Variants in KCNT2 observed in about 807,000 individuals in gnomAD.
The protein encoded by KCNT2 is potassium channel subfamily T member 2.
A neutral mutation model predicts 153.8 loss-of-function variants in KCNT2; 67 were observed. The observed-to-expected ratio is 0.44, with a 90% CI of 0.36 to 0.53. The LOEUF is 0.53. KCNT2 is among the 20% of genes least tolerant of loss of function. The pLI, the probability that KCNT2 is intolerant of heterozygous loss-of-function variation, is 0.00. For missense variants in KCNT2, 975 were observed against 1,354.8 expected (o/e 0.72, Z 4.40); for synonymous variants, 500 against 458.8 (o/e 1.09, Z -1.15).
At chr1:196,475,847 A>G (rs1178488501) in intron 5 of KCNT2, among the ~76,000 whole-genome samples, 2 of 152,090 alleles carry the variant, frequency 1.3e-5, no homozygotes, top group African/African-American at 2.4e-5. Flanking sequence ...TATTTATCCT[A>G]TCTGTTTTCT....
intron 1 of KCNT2, among the ~76,000 whole-genome samples, chr1:196,542,192 A>T (rs1656472035): frequency 6.6e-6 from 1 of 152,276 alleles, no homozygotes; most frequent in African/African-American, 2.4e-5. Context: ...ATCCGCCGAA[A>T]GTCTAGTAAG....
At chr1:196,457,831 G>T (rs1346564515) in intron 8 of KCNT2, among the ~76,000 whole-genome samples, 4 of 151,876 alleles carry the variant, frequency 2.6e-5, no homozygotes, top group Non-Finnish European at 5.9e-5. Flanking sequence ...CTCAATTGCT[G>T]CTTGAGAGTA....
chr1:196,511,832 C>CTTTTAAT (rs1681659913), intron 1 of KCNT2, among the ~76,000 whole-genome samples: 1 of 152,104 alleles, frequency 6.6e-6, no homozygotes, highest in Non-Finnish European at 1.5e-5. Context: ...TTAACATAAT[C>CTTTTAAT]ACCTCTTTTA....
chr1:196,329,882 TG>T (rs1664274459), intron 18 of KCNT2, among the ~76,000 whole-genome samples: 1 of 130,790 alleles, frequency 7.6e-6, no homozygotes, highest in Admixed American at 7.7e-5. Flanking sequence ...CACTTATATG[TG>T]TGTGTGTGTG....
At chr1:196,587,448 A>G (rs1046989724) in intron 1 of KCNT2, among the ~76,000 whole-genome samples, 1 of 152,066 alleles carries the variant, frequency 6.6e-6, no homozygotes, top group Non-Finnish European at 1.5e-5. Flanking sequence ...GTGACATTAA[A>G]GAAGCATATG....
chr1:196,329,879 A>ATGTG (rs57881763), intron 18 of KCNT2, among the ~76,000 whole-genome samples: 2,732 of 124,688 alleles, frequency 0.022, 44 homozygotes, highest in South Asian at 0.046. Flanking sequence ...ATACACTTAT[A>ATGTG]TGTGTGTGTG....
intron 25 of KCNT2, among the ~76,000 whole-genome samples, chr1:196,269,181 A>G (rs1389468357): frequency 6.6e-6 from 1 of 152,222 alleles, no homozygotes; most frequent in Non-Finnish European, 1.5e-5. Context: ...CAGATCTGAA[A>G]GAATGATTCT....
intron 13 of KCNT2, among the ~76,000 whole-genome samples, chr1:196,378,266 T>C (rs933980479): frequency 1.3e-5 from 2 of 152,180 alleles, no homozygotes; most frequent in Non-Finnish European, 2.9e-5. Flanking sequence ...ACCATTATTT[T>C]ATTACAACTT....
chr1:196,266,224 C>T (rs1175742708), intron 25 of KCNT2, among the ~76,000 whole-genome samples: 2 of 152,108 alleles, frequency 1.3e-5, no homozygotes, highest in Non-Finnish European at 2.9e-5. Context: ...CTGAGACGCA[C>T]CCATTGGCAA....
intron 19 of KCNT2, among the ~76,000 whole-genome samples, chr1:196,321,794 G>A (rs1663343779): frequency 6.6e-6 from 1 of 151,790 alleles, no homozygotes; most frequent in Non-Finnish European, 1.5e-5. Context: ...AAAAAAGGTG[G>A]CTTAAAAGGA....
chr1:196,410,634 C>T (rs905442539), intron 12 of KCNT2, among the ~76,000 whole-genome samples: 7 of 150,676 alleles, frequency 4.6e-5, no homozygotes, highest in African/African-American at 1.7e-4. Flanking sequence ...CGAAAAATAT[C>T]ATTTTTATTA....
chr1:196,333,910 T>G lies in KCNT2; in HGVS notation c.1934A>C (p.Asp645Ala). The change falls in exon 17 of 28, where the codon GAT (aspartate) becomes GCT (alanine). Residue 645 changes from aspartate (D) to alanine (A), a missense_variant. Coordinates refer to ENST00000294725, the MANE Select transcript of KCNT2 (RefSeq NM_198503.5). ...VADTSSIQTC[D>A]LLSDQSEDET... Reference sequence around the variant, plus strand: ...ATCTTCTGATTGGTCACTTAGAAGATCACATGTTTGAATCGATGATGTATC... The same window carrying G: ...ATCTTCTGATTGGTCACTTAGAAGAGCACATGTTTGAATCGATGATGTATC... The G allele has an allele frequency of 1.4e-5, 22 of 1,613,030 alleles. No individual in the cohort carries two copies. Among genetic ancestry groups the G allele is most frequent in the Non-Finnish European group, 1.9e-5 (22 of 1,179,330 alleles).
chr1:196,401,349 GAAAC>G (rs1671400344), intron 12 of KCNT2, among the ~76,000 whole-genome samples: 1 of 151,690 alleles, frequency 6.6e-6, no homozygotes, highest in South Asian at 2.1e-4. Flanking sequence ...ATTTGCATGG[GAAAC>G]AAACAAAATG....
intron 8 of KCNT2, among the ~76,000 whole-genome samples, chr1:196,458,440 C>T (rs1211970047): frequency 6.6e-6 from 1 of 151,788 alleles, no homozygotes; most frequent in Admixed American, 6.6e-5. Flanking sequence ...CAAACCCATA[C>T]AAAATAATTT....
chr1:196,465,559 C>T (rs995788216), intron 7 of KCNT2, among the ~76,000 whole-genome samples, 172 bp from the exon 8 acceptor site: 1 of 151,790 alleles, frequency 6.6e-6, no homozygotes, highest in Non-Finnish European at 1.5e-5. Context: ...TTGCCTAGAT[C>T]TGATTGTAAC....
rs1213463952 is a variant in KCNT2, at chr1:196,590,099, C to A, written c.95+18116G>T. Among the ~76,000 whole-genome samples, 4 of 151,960 alleles carry A rather than the reference C, an allele frequency of 2.6e-5. No homozygotes were observed. The East Asian group carries it at 7.7e-4, about 29-fold the overall frequency. On this transcript the variant is annotated intron_variant, in intron 1 of 27. Coordinates refer to ENST00000294725, the MANE Select transcript of KCNT2 (RefSeq NM_198503.5). ...TGCACTTGTATCCCTTAAATTTATACAAATAAAAAAAATGCAAAGTAAACA... is the reference window on the plus strand; with the variant it reads ...TGCACTTGTATCCCTTAAATTTATAAAAATAAAAAAAATGCAAAGTAAACA...
At chr1:196,423,909 A>G (rs1340625674) in intron 11 of KCNT2, among the ~76,000 whole-genome samples, 2 of 151,934 alleles carry the variant, frequency 1.3e-5, no homozygotes, top group African/African-American at 2.4e-5. Context: ...TAACTAACCT[A>G]TGAAACTTGT....
At chr1:196,446,167 AT>A (rs1675667781) in intron 8 of KCNT2, among the ~76,000 whole-genome samples, 1 of 151,504 alleles carries the variant, frequency 6.6e-6, no homozygotes, top group African/African-American at 2.4e-5. Flanking sequence ...CTACCATTCA[AT>A]AAAAGCTTCT....
Position 196,256,709 on chromosome 1 carries a change from A to AATAT in KCNT2, c.3211+1481_3211+1484dup, listed in dbSNP as rs144323772. ...CAGTTTCACAGGTGATTATCATGGA[A>AATAT]ATATATATATATATATATATATCCT... is the stretch of plus-strand genomic sequence containing the variant. On this transcript the variant is annotated intron_variant, in intron 26 of 27. Transcript: ENST00000294725. Among the ~76,000 whole-genome samples, 1,275 of 144,162 alleles carry AATAT rather than the reference A, an allele frequency of 8.8e-3. 38 individuals are homozygous for AATAT. Among genetic ancestry groups the AATAT allele is most frequent in the South Asian group, 0.07 (320 of 4,568 alleles). 94.6% of individuals were successfully genotyped at this position (144,162 alleles called of 152,430 possible).
Sources: gnomAD v4.1 joint callset for allele counts (sites outside exome capture counted in the v4.1 genomes callset) on GRCh38, gnomAD v4.1.1 for gene constraint, MANE v1.5 for transcripts, NCBI Gene and HGNC (gene_info 2026-07-23, HGNC 2026-07-21) for gene names.